The following ITGAL variants were observed in gnomAD, a reference collection of about 807,000 sequenced individuals.
ITGAL encodes the protein integrin subunit alpha L.
ITGAL carries 68 observed loss-of-function variants against 138.4 expected under a neutral mutation model. The ratio of observed to expected loss-of-function variants is 0.49; its 90% CI spans 0.40 to 0.60. ITGAL has a LOEUF of 0.60. Ranked by LOEUF, ITGAL falls within the 20% of genes least tolerant of loss-of-function variation. The probability of loss-of-function intolerance (pLI) is 0.00; values close to 1 mark genes in which losing one functional copy is unlikely to be tolerated. For synonymous variants in ITGAL, 561 were observed against 584.3 expected, an observed-to-expected ratio of 0.96 and a Z score of 0.57; for missense variants, 1,256 against 1,478.6, an observed-to-expected ratio of 0.85 and a Z score of 2.47.
At chr16:30,474,111 G>A (rs143187647) in intron 1 of ITGAL, 85 bp from the exon 2 acceptor site, 48 of 994,932 alleles carry the variant, frequency 4.8e-5, no homozygotes, top group African/African-American at 4.5e-4. Context: ...AGCGACATCC[G>A]GGTGGGCCTG....
rs2051078058 is a variant in ITGAL at position 30,510,813 on chromosome 16, AGATGTG to A, written c.2620-66_2620-61del. ...AGGGGTCCCTGAGATGATGGTGATT[AGATGTG>A]GGGGCCATGAGGCTGCTCCTCATGA... On this transcript the variant is annotated intron_variant, in intron 22 of 30. Transcript: ENST00000356798. The A allele has an allele frequency of 2.5e-6, 3 of 1,206,428 alleles. No individual in the cohort carries two copies. The East Asian group carries it at 7.0e-5, about 28-fold the overall frequency. 74.7% of individuals were successfully genotyped at this position (1,206,428 alleles called of 1,614,324 possible).
At chr16:30,479,553 C>T in intron 6 of ITGAL, 92 bp downstream of exon 6, 2 of 1,300,182 alleles carry the variant, frequency 1.5e-6, no homozygotes, top group Non-Finnish European at 2.1e-6. Flanking sequence ...TATGTGGAAT[C>T]CTCAGAGCCT....
intron 13 of ITGAL, 64 bp from the exon 14 acceptor site, chr16:30,496,033 C>T (rs2050793790): frequency 2.3e-6 from 3 of 1,319,752 alleles, no homozygotes; most frequent in East Asian, 2.3e-5. Flanking sequence ...GCATTCTTCA[C>T]TCAGTTGTTC....
intron 6 of ITGAL, 139 bp downstream of exon 6, chr16:30,479,600 A>G: frequency 1.4e-6 from 1 of 689,826 alleles, no homozygotes. Flanking sequence ...GGAAGGGACA[A>G]GAACCAGGGA....
intron 20 of ITGAL, 101 bp from the exon 21 acceptor site, chr16:30,506,614 T>C (rs1037447135): frequency 1.2e-5 from 8 of 641,384 alleles, no homozygotes; most frequent in Admixed American, 3.1e-5. Context: ...TAAAAGATGA[T>C]TGGTTTTGAT....
intron 18 of ITGAL, 120 bp downstream of exon 18, chr16:30,504,384 G>C (rs2050951918): frequency 2.7e-6 from 2 of 743,606 alleles, no homozygotes; most frequent in East Asian, 5.2e-5. Flanking sequence ...GGCTGAAGTG[G>C]GTGGATCACT....
intron 30 of ITGAL, among the ~76,000 whole-genome samples, chr16:30,521,216 G>A (rs1446150658): frequency 6.6e-6 from 1 of 151,936 alleles, no homozygotes; most frequent in African/African-American, 2.4e-5. Context: ...AGACCAGCCT[G>A]GCCAACATGG....
chr16:30,500,990 G>T (rs930628879), intron 17 of ITGAL, among the ~76,000 whole-genome samples: 4 of 151,056 alleles, frequency 2.6e-5, no homozygotes, highest in South Asian at 2.1e-4. Flanking sequence ...GGCAACAAGA[G>T]TGAAACTCCA....
At chr16:30,505,186 G>A in intron 18 of ITGAL, 58 bp from the exon 19 acceptor site, 1 of 1,475,506 alleles carries the variant, frequency 6.8e-7, no homozygotes. Flanking sequence ...TCCTTCATGA[G>A]GTCTGCTGCC....
intron 19 of ITGAL, 23 bp from the exon 20 acceptor site, chr16:30,505,366 C>T (rs766511941): frequency 1.9e-6 from 3 of 1,613,490 alleles, no homozygotes; most frequent in African/African-American, 2.7e-5. Flanking sequence ...GAGCCTGTTA[C>T]TCCTTTCTTC....
At chr16:30,486,836 C>A (rs1417819643) in intron 9 of ITGAL, among the ~76,000 whole-genome samples, 1 of 152,118 alleles carries the variant, frequency 6.6e-6, no homozygotes, top group Non-Finnish European at 1.5e-5. Context: ...CACTCTGTTG[C>A]CCAGACTGGA....
In ITGAL at chr16:30,490,461, C is replaced by T. The variant is rs150755605; in HGVS notation, c.1213+1075C>T. Among the ~76,000 whole-genome samples, 977 of 152,198 alleles carry T rather than the reference C, an allele frequency of 6.4e-3. 8 individuals are homozygous for T. The highest frequency in any genetic ancestry group is 0.021 in the African/African-American group (890 of 41,546). ...GCTTGAACTTGCCAACCTAGCTCGC[C>T]ACCCTTCCTTGTGGAAACCACAAGA... On this transcript the variant is annotated intron_variant, in intron 11 of 30. Coordinates refer to ENST00000356798, the MANE Select transcript of ITGAL (RefSeq NM_002209.3).
chr16:30,474,013 G>A (rs2050429720), intron 1 of ITGAL, 183 bp from the exon 2 acceptor site: 1 of 695,054 alleles, frequency 1.4e-6, no homozygotes, highest in Non-Finnish European at 2.6e-6. Context: ...AGAGCTTTCA[G>A]AGCTCTAGGG....
intron 7 of ITGAL, 27 bp downstream of exon 7, chr16:30,481,611 G>A (rs377662862): frequency 1.8e-5 from 29 of 1,609,984 alleles, no homozygotes; most frequent in Middle Eastern, 1.6e-4. Flanking sequence ...AGGAGAGCAC[G>A]TGTCCTGTGA....
At chr16:30,517,364 G>A (rs941994835) in intron 26 of ITGAL, among the ~76,000 whole-genome samples, 4 of 152,058 alleles carry the variant, frequency 2.6e-5, no homozygotes, top group Non-Finnish European at 4.4e-5. Context: ...AGGCAGAGGC[G>A]GGAGGATCAC....
In ITGAL at chr16:30,472,786, C is replaced by T. The variant is rs1597056131; in HGVS notation, c.-52C>T. On this transcript the variant is annotated 5_prime_UTR_variant, in exon 1 of 31. The change creates a new upstream start codon in the 5' untranslated region. Transcript: ENST00000356798. ...CTGTCTAGGTTGCCAGCAAATCCCACGGGCCTCCTGACGCTGCCCCTGGGG... is the reference window on the plus strand; with the variant it reads ...CTGTCTAGGTTGCCAGCAAATCCCATGGGCCTCCTGACGCTGCCCCTGGGG... The T allele has an allele frequency of 1.0e-5, 16 of 1,554,584 alleles. No homozygotes were observed. Among genetic ancestry groups the T allele is most frequent in the South Asian group, 2.3e-5 (2 of 87,882 alleles).
chr16:30,474,497 G>A, intron 2 of ITGAL, 199 bp downstream of exon 2: 1 of 577,632 alleles, frequency 1.7e-6, no homozygotes, highest in Non-Finnish European at 3.1e-6. Flanking sequence ...CGCGATCAGG[G>A]AGGCCATGGA....
At chr16:30,500,057 A>T (rs1010198566) in intron 17 of ITGAL, among the ~76,000 whole-genome samples, 10 of 125,454 alleles carry the variant, frequency 8.0e-5, no homozygotes, top group African/African-American at 2.1e-4. Context: ...CCTATTTTAT[A>T]TTATTTATTT....
In ITGAL at chr16:30,504,163, T is replaced by C. The variant is rs200917490; in HGVS notation, c.2146-12T>C. ...AGATTCATGACATAGGCTGTATTCT[T>C]ATCACCCTCAGGTATGTGTTCAAGA... is the stretch of plus-strand genomic sequence containing the variant. On this transcript the variant is annotated splice_polypyrimidine_tract_variant and intron_variant, in intron 17 of 30. Transcript: ENST00000356798. 1.9e-6 allele frequency: 3 copies of C among 1,597,502 alleles called. No homozygotes were observed. In the East Asian group the frequency reaches 6.7e-5, roughly 36 times the overall value.
Sources: allele counts gnomAD v4.1 joint callset (sites outside exome capture counted in the v4.1 genomes callset), GRCh38; gene constraint gnomAD v4.1.1; transcripts MANE v1.5; gene names NCBI Gene and HGNC (gene_info 2026-07-23, HGNC 2026-07-21).